Variants in EFHC2 observed in about 807,000 individuals in gnomAD.
EFHC2 encodes the protein EF-hand domain containing 2, also known as EF-hand domain-containing family member C2.
EFHC2 carries 18 observed loss-of-function variants against 52.7 expected under a neutral mutation model. The observed-to-expected ratio is 0.34, with a 90% CI of 0.24 to 0.51. The LOEUF (loss-of-function observed/expected upper bound fraction) is 0.51. Among genes scored for constraint, EFHC2 ranks in the 20% least tolerant of loss-of-function variants. The probability of loss-of-function intolerance (pLI) is 0.97; values close to 1 mark genes in which losing one functional copy is unlikely to be tolerated. For synonymous variants in EFHC2, 203 were observed against 204.1 expected, an observed-to-expected ratio of 0.99 and a Z score of 0.04; for missense variants, 513 against 562.5, an observed-to-expected ratio of 0.91 and a Z score of 0.89.
intron 2 of EFHC2, among the ~76,000 whole-genome samples, chrX:44,311,281 C>A (rs1295072858): frequency 9.0e-6 from 1 of 110,610 alleles, no homozygotes; most frequent in Non-Finnish European, 1.9e-5. Context: ...AGTGTCAGAA[C>A]TAGGCTTCAA....
chrX:44,301,943 G>GT (rs1321339214), intron 2 of EFHC2, among the ~76,000 whole-genome samples: 6 of 112,006 alleles, frequency 5.4e-5, no homozygotes, highest in Non-Finnish European at 1.1e-4. Context: ...GTTGTTCCCT[G>GT]TTTTTTGGCT....
At chrX:44,244,003 C>T (rs1428995837) in intron 7 of EFHC2, among the ~76,000 whole-genome samples, 1 of 111,513 alleles carries the variant, frequency 9.0e-6, no homozygotes, top group Non-Finnish European at 1.9e-5. Context: ...GAGACATATA[C>T]ATACAACTCT....
chrX:44,232,591 T>C lies in EFHC2; in HGVS notation c.1510A>G (p.Lys504Glu). ...ACTCCAATGTACAGCTCCTCGGCCT[T>C]GATATATTCAGATAGTTCACTTTTA... is the stretch of plus-strand genomic sequence containing the variant. ...VFKSELSEYI[K>E]AEELYIGVTV... is the part of the protein sequence containing the mutation. The change falls in exon 10 of 15, where the codon AAG becomes GAG. Residue 504 changes from lysine (K) to glutamate (E), a missense_variant. Coordinates refer to ENST00000420999, the MANE Select transcript of EFHC2 (RefSeq NM_025184.4). 4 of 1,195,421 alleles carry C rather than the reference T, an allele frequency of 3.3e-6. No individual in the cohort carries two copies. Among genetic ancestry groups the C allele is most frequent in the Non-Finnish European group, 3.4e-6 (3 of 886,686 alleles).
intron 2 of EFHC2, among the ~76,000 whole-genome samples, chrX:44,288,396 AAAAAAGT>A (rs1265230067): frequency 7.2e-5 from 8 of 110,428 alleles, no homozygotes. Flanking sequence ...TGTAGTGGGG[AAAAAAGT>A]AAAAAGTAAA....
chrX:44,302,583 C>A (rs897773654), intron 2 of EFHC2, among the ~76,000 whole-genome samples: 1 of 112,440 alleles, frequency 8.9e-6, no homozygotes, highest in African/African-American at 3.2e-5. Flanking sequence ...TTCTTAGTGA[C>A]AAATGCAGAA....
intron 2 of EFHC2, among the ~76,000 whole-genome samples, chrX:44,274,937 G>A (rs2037644690): frequency 9.0e-6 from 1 of 110,897 alleles, no homozygotes; most frequent in Non-Finnish European, 1.9e-5. Flanking sequence ...AAAAGATGTT[G>A]GAACACCTAA....
At chrX:44,192,899 G>GC (rs776695196) in intron 11 of EFHC2, among the ~76,000 whole-genome samples, 123 of 109,686 alleles carry the variant, frequency 1.1e-3, no homozygotes, top group Middle Eastern at 9.4e-3. Flanking sequence ...AAATTCTAAG[G>GC]CCCCCCAACC....
At chrX:44,240,935 A>G (rs1052096992) in intron 8 of EFHC2, among the ~76,000 whole-genome samples, 4 of 112,417 alleles carry the variant, frequency 3.6e-5, no homozygotes, top group African/African-American at 1.3e-4. Flanking sequence ...ATCATGTCAT[A>G]GCAAAGGCAG....
chrX:44,187,314 T>C (rs2036884448), intron 11 of EFHC2, among the ~76,000 whole-genome samples: 1 of 108,911 alleles, frequency 9.2e-6, no homozygotes. Context: ...CTCTTTACTA[T>C]GCATGGGCAT....
At chrX:44,233,856 T>A (rs1340936321) in intron 9 of EFHC2, among the ~76,000 whole-genome samples, 1 of 111,629 alleles carries the variant, frequency 9.0e-6, no homozygotes, top group African/African-American at 3.3e-5. Context: ...TGCCAACAGA[T>A]GAGTGAGCAA....
chrX:44,243,939 G>T (rs1345980363), intron 7 of EFHC2, among the ~76,000 whole-genome samples: 1 of 111,486 alleles, frequency 9.0e-6, no homozygotes, highest in Non-Finnish European at 1.9e-5. Flanking sequence ...GCCATGGCAG[G>T]AGAGCTGTAT....
At chrX:44,183,204 G>A (rs1048055959) in intron 11 of EFHC2, among the ~76,000 whole-genome samples, 2 of 111,970 alleles carry the variant, frequency 1.8e-5, no homozygotes, top group Non-Finnish European at 3.8e-5. Flanking sequence ...ACAAAATCTA[G>A]TTGAGCCTAA....
At chrX:44,187,965 A>G (rs1225525721) in intron 11 of EFHC2, among the ~76,000 whole-genome samples, 1 of 50,559 alleles carries the variant, frequency 2.0e-5, no homozygotes, top group African/African-American at 7.2e-5. Flanking sequence ...AAGAAAAAAA[A>G]AAGTGTTTTT....
chrX:44,184,343 A>G (rs1446382933), intron 11 of EFHC2, among the ~76,000 whole-genome samples: 1 of 111,995 alleles, frequency 8.9e-6, no homozygotes, highest in Non-Finnish European at 1.9e-5. Context: ...ACAGTCACAT[A>G]GGCTGTTCCT....
chrX:44,326,604 T>C (rs913634942), intron 1 of EFHC2, among the ~76,000 whole-genome samples: 1 of 110,558 alleles, frequency 9.0e-6, no homozygotes, highest in Non-Finnish European at 1.9e-5. Flanking sequence ...TACTAAAATA[T>C]AGTTAACCTC....
intron 8 of EFHC2, among the ~76,000 whole-genome samples, chrX:44,235,932 T>G (rs1490493753): frequency 9.0e-6 from 1 of 111,269 alleles, no homozygotes; most frequent in Non-Finnish European, 1.9e-5. Flanking sequence ...GACTCACTCC[T>G]CCAGCTCCCC....
Position 44,250,455 on chromosome X carries a change from G to C in EFHC2, c.607-10C>G. 1.7e-6 allele frequency: 2 copies of C among 1,180,807 alleles called. No homozygotes were observed. The highest frequency in any genetic ancestry group is 1.1e-6 in the Non-Finnish European group (1 of 879,293). ...CTACGTGTTCTACAACCTGCAAATG[G>C]AGAAAATGTCAATAATAGTTGCAGG... is the stretch of plus-strand genomic sequence containing the variant. On this transcript the variant is annotated splice_polypyrimidine_tract_variant and intron_variant, in intron 4 of 14. Transcript: ENST00000420999.
At chrX:44,255,728 T>G (rs1446557371) in intron 4 of EFHC2, among the ~76,000 whole-genome samples, 6 of 111,307 alleles carry the variant, frequency 5.4e-5, no homozygotes, top group Non-Finnish European at 1.1e-4. Context: ...GACAGAAAAT[T>G]AACAAGGATA....
chrX:44,288,587 C>T (rs1251025852), intron 2 of EFHC2, among the ~76,000 whole-genome samples: 2 of 111,199 alleles, frequency 1.8e-5, no homozygotes, highest in Non-Finnish European at 3.8e-5. Context: ...CTATTCACTT[C>T]ATAGTTAGCA....
Sources: allele counts gnomAD v4.1 joint callset (sites outside exome capture counted in the v4.1 genomes callset), GRCh38; gene constraint gnomAD v4.1.1; transcripts MANE v1.5; gene names NCBI Gene and HGNC (gene_info 2026-07-23, HGNC 2026-07-21).